Variants in SCN3A observed in about 807,000 individuals in gnomAD.
SCN3A encodes the protein sodium channel protein type 3 subunit alpha.
In SCN3A, 60 loss-of-function variants were observed where a neutral mutation model predicts 187.6. That is an observed-to-expected ratio of 0.32 (90% CI 0.26 to 0.40). The LOEUF (loss-of-function observed/expected upper bound fraction) is 0.40, where lower values mean the gene tolerates loss of function less well. SCN3A is among the 10% of genes least tolerant of loss of function. The pLI is 1.00. For synonymous variants in SCN3A, 788 were observed against 829.2 expected (o/e 0.95, Z 0.85); for missense variants, 1,601 against 2,428.2 (o/e 0.66, Z 7.16).
chr2:165,130,701 T>C lies in SCN3A; in HGVS notation c.2566-405A>G, dbSNP rs188339003. Reference sequence around the variant, plus strand: ...TTTATAGGCCAATATAAAAGTAAAATAACCTAAATAATGTGATAAAAATGT... The same window carrying C: ...TTTATAGGCCAATATAAAAGTAAAACAACCTAAATAATGTGATAAAAATGT... On this transcript the variant is annotated intron_variant, in intron 16 of 27. Coordinates refer to ENST00000283254, the MANE Select transcript of SCN3A (RefSeq NM_006922.4). Among the ~76,000 whole-genome samples the C allele has an allele frequency of 3.9e-3, 592 of 151,894 alleles. 3 individuals carry two copies. The highest frequency in any genetic ancestry group is 0.017 in the Middle Eastern group (5 of 290).
At chr2:165,120,970 T>C (rs1686644482) in intron 18 of SCN3A, among the ~76,000 whole-genome samples, 1 of 151,934 alleles carries the variant, frequency 6.6e-6, no homozygotes, top group Non-Finnish European at 1.5e-5. Context: ...TACGTTGTAG[T>C]TGAAGAGTAG....
At chr2:165,108,389 G>A (rs1685960478) in intron 21 of SCN3A, among the ~76,000 whole-genome samples, 1 of 152,054 alleles carries the variant, frequency 6.6e-6, no homozygotes, top group Non-Finnish European at 1.5e-5. Context: ...CACCTCAACA[G>A]AGCAGCTTAT....
intron 26 of SCN3A, chr2:165,093,032 G>A (rs1255431111): frequency 6.5e-6 from 1 of 153,830 alleles, no homozygotes; most frequent in Non-Finnish European, 1.4e-5. Flanking sequence ...CTGAGAGACA[G>A]AGTGAGACCC....
intron 11 of SCN3A, among the ~76,000 whole-genome samples, chr2:165,150,818 A>G (rs1053107574): frequency 6.6e-6 from 1 of 152,190 alleles, no homozygotes; most frequent in Non-Finnish European, 1.5e-5. Context: ...TATTAATGAT[A>G]ATAGAAAAAC....
chr2:165,179,518 A>G (rs767996224), intron 2 of SCN3A: 1 of 152,232 alleles, frequency 6.6e-6, no homozygotes, highest in Non-Finnish European at 1.5e-5. Context: ...TCACAAAATC[A>G]TGAAAAACTT....
At chr2:165,163,410 C>A (rs746252301) in intron 7 of SCN3A, among the ~76,000 whole-genome samples, 2 of 152,022 alleles carry the variant, frequency 1.3e-5, no homozygotes, top group Admixed American at 6.6e-5. Flanking sequence ...ATGTCTCATG[C>A]AATTTTCTGT....
At chr2:165,167,531 G>A (rs551076386) in intron 5 of SCN3A, among the ~76,000 whole-genome samples, 7 of 152,096 alleles carry the variant, frequency 4.6e-5, no homozygotes, top group Non-Finnish European at 1.0e-4. Context: ...ACAATAAAAA[G>A]AGCATACTGC....
At chr2:165,097,135 T>C (rs911543309) in intron 23 of SCN3A, 117 bp downstream of exon 23, 4 of 1,048,990 alleles carry the variant, frequency 3.8e-6, no homozygotes, top group African/African-American at 3.2e-5. Context: ...ATAGGTGTTA[T>C]CATTAACTTT....
intron 22 of SCN3A, among the ~76,000 whole-genome samples, chr2:165,099,012 G>C (rs575007026): frequency 6.6e-6 from 1 of 152,104 alleles, no homozygotes; most frequent in Non-Finnish European, 1.5e-5. Flanking sequence ...ACTTTCTTTA[G>C]CATTAGCAAG....
In SCN3A at chr2:165,172,615, C is replaced by A. The variant is rs563920206; in HGVS notation, c.265-2067G>T. Among the ~76,000 whole-genome samples, 12 of 152,190 alleles carry A rather than the reference C, an allele frequency of 7.9e-5. No homozygotes were observed. The South Asian group carries it at 8.3e-4, about 11-fold the overall frequency. ...ACTCATGCTCTTTTGAAACAATTTCCCTGAAAAAGCAATTTCTGCTTGCGA... is the reference window on the plus strand; with the variant it reads ...ACTCATGCTCTTTTGAAACAATTTCACTGAAAAAGCAATTTCTGCTTGCGA... On this transcript the variant is annotated intron_variant, in intron 3 of 27. Transcript: ENST00000283254.
Position 165,105,656 on chromosome 2 carries a change from G to A in SCN3A, c.3844-5232C>T, listed in dbSNP as rs184659364. 2.1e-4 allele frequency among the ~76,000 whole-genome samples: 32 copies of A among 152,228 alleles called. No homozygotes were observed. In the East Asian group the frequency reaches 5.8e-3, roughly 28 times the overall value. ...AGGTGTACAGCAGGAATAGAGCGCA[G>A]GCTTCCAGAGGCTGTGGGAAGTGCA... On this transcript the variant is annotated intron_variant, in intron 21 of 27. Coordinates refer to ENST00000283254, the MANE Select transcript of SCN3A (RefSeq NM_006922.4).
At chr2:165,199,187 A>C (rs773350489) in intron 1 of SCN3A, among the ~76,000 whole-genome samples, 11 of 152,054 alleles carry the variant, frequency 7.2e-5, no homozygotes, top group Non-Finnish European at 1.6e-4. Flanking sequence ...TTATTTAAAG[A>C]GTGACTTTGA....
At chr2:165,141,291 T>G (rs1381436819) in intron 12 of SCN3A, among the ~76,000 whole-genome samples, 2 of 152,170 alleles carry the variant, frequency 1.3e-5, no homozygotes, top group Non-Finnish European at 2.9e-5. Flanking sequence ...ATGCTATAGG[T>G]TAGGGACCAG....
chr2:165,099,986 T>G (rs1304466034), intron 22 of SCN3A, among the ~76,000 whole-genome samples: 1 of 152,180 alleles, frequency 6.6e-6, no homozygotes, highest in Admixed American at 6.5e-5. Context: ...ATGTCAGTAG[T>G]CAGTAGTCAT....
At position 165,176,167 on chromosome 2, in the gene SCN3A, G is replaced by C; in HGVS notation, c.228C>G (p.Pro76=). The C allele has an allele frequency of 6.2e-7, 1 of 1,613,868 alleles. No individual in the cohort carries two copies. Residue 76 remains proline (P), a synonymous_variant, in exon 3 of 28, where the codon CCC becomes CCG. Coordinates refer to ENST00000283254, the MANE Select transcript of SCN3A (RefSeq NM_006922.4). ...TATAGTAGGGATCCAGGTCCTCCAGGGGCTCTGACACCATCTCTGGAGGAA... is the reference window on the plus strand; with the variant it reads ...TATAGTAGGGATCCAGGTCCTCCAGCGGCTCTGACACCATCTCTGGAGGAA... ...GDIPPEMVSE[P]LEDLDPYYIN...
intron 16 of SCN3A, among the ~76,000 whole-genome samples, chr2:165,130,714 G>A (rs1370137934): frequency 6.6e-6 from 1 of 151,818 alleles, no homozygotes; most frequent in Non-Finnish European, 1.5e-5. Context: ...CCTAAATAAT[G>A]TGATAAAAAT....
In SCN3A at chr2:165,113,867, G is replaced by T. The variant is rs1384651333; in HGVS notation, c.3618C>A (p.Asn1206Lys). The T allele has an allele frequency of 5.0e-6, 8 of 1,613,812 alleles. No homozygotes were observed. In the Admixed American group the frequency reaches 1.3e-4, roughly 27 times the overall value. The change falls in exon 20 of 28, where the codon AAC becomes AAA. Residue 1206 changes from asparagine to lysine, a missense_variant. Asn to Lys is a moderately conservative substitution (Grantham distance 94). This residue lies in a region of SCN3A where 267 missense variants were observed against 313.2 expected (regional missense o/e 0.85). Coordinates refer to ENST00000283254, the MANE Select transcript of SCN3A (RefSeq NM_006922.4). ...TGAACACAATGAAAGTCTCAAACCA[G>T]TTGTGCTCAACAATACTGTAGCAGG... Reference protein sequence around the residue: ...RKTCYSIVEHNWFETFIVFMI... With the variant: ...RKTCYSIVEHKWFETFIVFMI...
At chr2:165,164,962 T>C (rs1689655414) in intron 5 of SCN3A, among the ~76,000 whole-genome samples, 1 of 152,130 alleles carries the variant, frequency 6.6e-6, no homozygotes, top group South Asian at 2.1e-4. Flanking sequence ...AATTCAACAA[T>C]TAATATTAGC....
At chr2:165,195,683 A>T (rs1691905876) in intron 1 of SCN3A, 1 of 152,120 alleles carries the variant, frequency 6.6e-6, no homozygotes, top group Non-Finnish European at 1.5e-5. Flanking sequence ...GTGTTTTCTG[A>T]ACTGGCACCA....
Sources: gnomAD v4.1 joint callset for allele counts (sites outside exome capture counted in the v4.1 genomes callset) on GRCh38, gnomAD v4.1.1 for gene constraint, gnomAD v4.1.1 regional missense constraint, MANE v1.5 for transcripts, NCBI Gene and HGNC (gene_info 2026-07-23, HGNC 2026-07-21) for gene names.